DAB1: variants seen among roughly 807,000 people sequenced by gnomAD.
The protein encoded by DAB1 is disabled homolog 1.
In DAB1, 15 loss-of-function variants were observed where a neutral mutation model predicts 64.6. The observed-to-expected ratio is 0.23, with a 90% CI of 0.16 to 0.36. DAB1 has a LOEUF of 0.36. Ranked by LOEUF, DAB1 falls within the 10% of genes least tolerant of loss-of-function variation. The pLI is 1.00. For missense variants in DAB1, 596 were observed against 706.7 expected (o/e 0.84, Z 1.78); for synonymous variants, 235 against 251.9 (o/e 0.93, Z 0.64).
chr1:58,087,731 A>G (rs992050886), intron 5 of DAB1, among the ~76,000 whole-genome samples: 2 of 148,984 alleles, frequency 1.3e-5, no homozygotes, highest in African/African-American at 5.1e-5. Context: ...TAGATGGGAA[A>G]AGAAAAGAAA....
chr1:57,884,542 C>A (rs1326297596), upstream of DAB1, among the ~76,000 whole-genome samples: 1 of 152,138 alleles, frequency 6.6e-6, no homozygotes, highest in Non-Finnish European at 1.5e-5. Flanking sequence ...AGGATAAATA[C>A]CTTAAAGCAG....
chr1:57,088,211 C>T (rs1004606489), intron 4 of DAB1, among the ~76,000 whole-genome samples: 2 of 152,176 alleles, frequency 1.3e-5, no homozygotes, highest in Non-Finnish European at 2.9e-5. Flanking sequence ...GCTGGGATTA[C>T]AGGCATGCAC....
At chr1:57,290,865 T>C (rs1672724202) in intron 2 of DAB1, 99 bp downstream of exon 2, 3 of 642,072 alleles carry the variant, frequency 4.7e-6, no homozygotes, top group Admixed American at 3.0e-5. Context: ...TAAAAATATA[T>C]GCAATCATAA....
intron 5 of DAB1, among the ~76,000 whole-genome samples, chr1:58,070,081 C>T (rs1187180586): frequency 6.6e-6 from 1 of 152,188 alleles, no homozygotes; most frequent in African/African-American, 2.4e-5. Flanking sequence ...GGGGACCCAA[C>T]CATCAGGGAG....
intron 7 of DAB1, among the ~76,000 whole-genome samples, chr1:57,646,833 C>T (rs74077746): frequency 0.021 from 3,255 of 152,284 alleles, 116 homozygotes; most frequent in African/African-American, 0.075. Flanking sequence ...CTCTAACCAA[C>T]TGTGGCTCAG....
chr1:57,748,020 A>G (rs1016660813), intron 6 of DAB1, among the ~76,000 whole-genome samples: 1 of 152,158 alleles, frequency 6.6e-6, no homozygotes, highest in African/African-American at 2.4e-5. Context: ...TGTTGACTCA[A>G]CAAAAATCTA....
intron 4 of DAB1, among the ~76,000 whole-genome samples, chr1:58,248,359 TC>T (rs1288154934): frequency 2.6e-5 from 4 of 152,166 alleles, no homozygotes; most frequent in African/African-American, 9.7e-5. Context: ...AAATTCAGAA[TC>T]AGCTAATGTC....
intron 6 of DAB1, among the ~76,000 whole-genome samples, chr1:57,718,086 T>C (rs921163465): frequency 2.0e-5 from 3 of 152,124 alleles, no homozygotes; most frequent in African/African-American, 7.2e-5. Flanking sequence ...TGTGTTCTAT[T>C]ACACAGTAGA....
chr1:57,144,956 G>A (rs1408903132), intron 3 of DAB1, among the ~76,000 whole-genome samples: 1 of 151,992 alleles, frequency 6.6e-6, no homozygotes, highest in Non-Finnish European at 1.5e-5. Flanking sequence ...TAACAAGATG[G>A]CAAAATTCAT....
intron 6 of DAB1, among the ~76,000 whole-genome samples, chr1:57,806,102 A>C (rs920259323): frequency 1.3e-5 from 2 of 152,072 alleles, no homozygotes; most frequent in African/African-American, 4.8e-5. Context: ...TCTTCCTATA[A>C]CCCATTCTGG....
At chr1:58,205,170 T>C (rs964933823) in intron 4 of DAB1, among the ~76,000 whole-genome samples, 3 of 152,194 alleles carry the variant, frequency 2.0e-5, no homozygotes. Flanking sequence ...ATGCTAGAAT[T>C]CTGAATTCAC....
chr1:58,274,777 G>C (rs538299068), intron 4 of DAB1, among the ~76,000 whole-genome samples: 1 of 152,076 alleles, frequency 6.6e-6, no homozygotes, highest in African/African-American at 2.4e-5. Flanking sequence ...TTCCAGGTGC[G>C]TCCGTCACTC....
intron 2 of DAB1, among the ~76,000 whole-genome samples, chr1:57,214,874 G>A (rs1666296158): frequency 8.0e-6 from 1 of 125,430 alleles, no homozygotes; most frequent in Admixed American, 1.0e-4. Context: ...TCACGCCACT[G>A]CACTCCAGCC....
intron 3 of DAB1, among the ~76,000 whole-genome samples, chr1:58,427,899 A>G (rs1039631056): frequency 1.3e-5 from 2 of 152,224 alleles, no homozygotes; most frequent in Admixed American, 6.5e-5. Context: ...AATTCATTCA[A>G]TAAGAATATT....
intron 4 of DAB1, among the ~76,000 whole-genome samples, chr1:58,233,799 T>C (rs763878557): frequency 2.0e-5 from 3 of 152,182 alleles, no homozygotes; most frequent in Non-Finnish European, 2.9e-5. Flanking sequence ...GAAATCTCCA[T>C]TTCAGCTCCT....
chr1:57,318,367 C>T (rs886687226), intron 1 of DAB1, among the ~76,000 whole-genome samples: 3 of 152,128 alleles, frequency 2.0e-5, no homozygotes, highest in African/African-American at 7.2e-5. Context: ...CAAAATGTCA[C>T]ATATTCATTG....
chr1:57,430,476 C>A (rs1685460206), intron 7 of DAB1, among the ~76,000 whole-genome samples: 1 of 151,366 alleles, frequency 6.6e-6, no homozygotes, highest in Non-Finnish European at 1.5e-5. Context: ...CCCGGGTTCA[C>A]GCCATTCTCC....
chr1:58,383,267 G>C (rs1569711855), intron 3 of DAB1, among the ~76,000 whole-genome samples: 2 of 152,288 alleles, frequency 1.3e-5, no homozygotes, highest in East Asian at 3.9e-4. Context: ...GTGCATGACA[G>C]AGTCAAGATT....
intron 4 of DAB1, among the ~76,000 whole-genome samples, chr1:58,238,790 A>G (rs543166602): frequency 3.3e-4 from 51 of 152,308 alleles, no homozygotes; most frequent in African/African-American, 1.1e-3. Flanking sequence ...CAGACATGCT[A>G]TAGGGTCTCA....
Sources: gnomAD v4.1 joint callset for allele counts (sites outside exome capture counted in the v4.1 genomes callset) on GRCh38, gnomAD v4.1.1 for gene constraint, MANE v1.5 for transcripts, NCBI Gene and HGNC (gene_info 2026-07-23, HGNC 2026-07-21) for gene names.